The following KIAA1614 variants were observed in gnomAD, a reference collection of about 807,000 sequenced individuals.
KIAA1614 encodes the protein KIAA1614, also known as uncharacterized protein KIAA1614.
Under a neutral mutation model 88.7 loss-of-function variants are expected in KIAA1614, and 76 were observed. That is an observed-to-expected ratio of 0.86 (90% CI 0.71 to 1.04). The LOEUF (loss-of-function observed/expected upper bound fraction) is 1.04. KIAA1614 is among the 50% of genes least tolerant of loss of function. KIAA1614 has a pLI of 0.00. For synonymous variants in KIAA1614, 714 were observed against 675.5 expected (o/e 1.06, Z -0.88); for missense variants, 1,553 against 1,582.5 (o/e 0.98, Z 0.32).
chr1:180,920,410 G>C (rs1653928606), intron 3 of KIAA1614, among the ~76,000 whole-genome samples: 2 of 152,208 alleles, frequency 1.3e-5, no homozygotes, highest in African/African-American at 2.4e-5. Flanking sequence ...AGAATGCTGA[G>C]GCTGTGGCAG....
At chr1:180,929,193 T>C (rs908580417) in intron 4 of KIAA1614, among the ~76,000 whole-genome samples, 2 of 152,226 alleles carry the variant, frequency 1.3e-5, no homozygotes, top group African/African-American at 4.8e-5. Context: ...AGGGTTGCTG[T>C]GGAGCTATGT....
In KIAA1614 at chr1:180,916,775, T is replaced by C. The variant is rs1653817392; in HGVS notation, c.672T>C (p.Pro224=). The change falls in exon 2 of 9, where the codon CCT becomes CCC. Residue 224 remains proline (P), a synonymous_variant. Transcript: ENST00000367588. Reference sequence around the variant, plus strand: ...TTACTCCCGGACGGCCTGGGGGTCCTGGTCATTGTAACAAAATCATCCACA... The same window carrying C: ...TTACTCCCGGACGGCCTGGGGGTCCCGGTCATTGTAACAAAATCATCCACA... ...HGVTPGRPGG[P]GHCNKIIHIP... The C allele has an allele frequency of 6.2e-7, 1 of 1,614,212 alleles. No individual in the cohort carries two copies. Among genetic ancestry groups the C allele is most frequent in the South Asian group, 1.1e-5 (1 of 91,088 alleles).
rs1431473704 is a variant in KIAA1614, at chr1:180,951,115, C to T, written c.*5527C>T. The stretch of plus-strand genomic sequence containing the variant: ...GTGTGGTCTGGCAGGAGTTTTATGC[C>T]CCTTCGGGGTGTGGGAATTCTGGGA... On this transcript the variant is annotated 3_prime_UTR_variant, in exon 9 of 9. Coordinates refer to ENST00000367588, the MANE Select transcript of KIAA1614 (RefSeq NM_020950.2). The T allele has an allele frequency of 6.6e-6, 1 of 152,168 alleles. No homozygotes were observed. Among genetic ancestry groups the T allele is most frequent in the Non-Finnish European group, 1.5e-5 (1 of 68,032 alleles). The allele number at this position is 152,168 out of a possible 1,614,324, so 9.4% of individuals were successfully genotyped here.
chr1:180,913,046 C>G lies in KIAA1614; in HGVS notation c.-198C>G, dbSNP rs952552127. ...CTGCGCCGGCCAGACCCACCCGGGG[C>G]CCGGGGGCTGCCAGCAGAGCCGGGA... On this transcript the variant is annotated 5_prime_UTR_variant, in exon 1 of 9. Transcript: ENST00000367588. The G allele has an allele frequency of 3.1e-6, 1 of 317,634 alleles. No individual in the cohort carries two copies. Among genetic ancestry groups the G allele is most frequent in the African/African-American group, 2.2e-5 (1 of 44,880 alleles). 19.7% of individuals were successfully genotyped at this position (317,634 alleles called of 1,614,324 possible). A position where few individuals can be genotyped will look rare whatever the true frequency, so the allele number is the denominator to read the frequency against.
chr1:180,936,636 G>A lies in KIAA1614; in HGVS notation c.2727G>A (p.Arg909=). 1 of 1,576,978 alleles carries A rather than the reference G, an allele frequency of 6.3e-7. No individual in the cohort carries two copies. The highest frequency in any genetic ancestry group is 1.7e-4 in the Middle Eastern group (1 of 5,866). ...EGRVERGPCS[R]EPEPPLENSR... ...GGGTGGAGAGGGGCCCCTGCAGCCG[G>A]GAACCGGAGCCGCCCCTGGAGAACA... Residue 909 remains arginine (R), a synonymous_variant, in exon 5 of 9, where the codon CGG becomes CGA. Coordinates refer to ENST00000367588, the MANE Select transcript of KIAA1614 (RefSeq NM_020950.2).
chr1:180,919,562 C>G (rs1158223618), intron 3 of KIAA1614, among the ~76,000 whole-genome samples: 5 of 152,162 alleles, frequency 3.3e-5, no homozygotes, highest in Admixed American at 3.3e-4. Context: ...CCGCCTCTGC[C>G]TGCAGCTGCC....
Position 180,916,492 on chromosome 1 carries a change from C to A in KIAA1614, c.389C>A (p.Ser130Ter). ...AAGGCAGGGAGAGCCGGGACTCCAT[C>A]AGAGGGGTCTTTCCTGCCAGGTGCT... Reference protein sequence around the residue: ...RGKAGRAGTPSEGSFLPGAVV... With the variant: ...RGKAGRAGTP Residue 130 changes from serine to a stop codon, truncating the protein, a stop_gained, in exon 2 of 9, where the codon TCA becomes TAA. Coordinates refer to ENST00000367588, the MANE Select transcript of KIAA1614 (RefSeq NM_020950.2). LOFTEE classifies it high-confidence loss of function. 6.2e-7 allele frequency: 1 copy of A among 1,614,112 alleles called. No individual in the cohort carries two copies. The highest frequency in any genetic ancestry group is 8.5e-7 in the Non-Finnish European group (1 of 1,180,028).
chr1:180,939,649 C>A (rs1248764708), intron 6 of KIAA1614, among the ~76,000 whole-genome samples: 1 of 152,180 alleles, frequency 6.6e-6, no homozygotes, highest in African/African-American at 2.4e-5. Flanking sequence ...CCTACATTTC[C>A]TTCTCCACAC....
At chr1:180,937,052 G>C (rs1654350793) in intron 5 of KIAA1614, among the ~76,000 whole-genome samples, 1 of 152,242 alleles carries the variant, frequency 6.6e-6, no homozygotes, top group African/African-American at 2.4e-5. Flanking sequence ...AGCTCAGGAA[G>C]AGGCAACAGC....
intron 1 of KIAA1614, among the ~76,000 whole-genome samples, chr1:180,914,706 C>T (rs1653738925): frequency 6.6e-6 from 1 of 151,866 alleles, no homozygotes; most frequent in African/African-American, 2.4e-5. Context: ...CCTGCCACCA[C>T]ACCCAGCTAA....
intron 7 of KIAA1614, 86 bp downstream of exon 7, chr1:180,941,371 G>A (rs1654460042): frequency 3.4e-6 from 5 of 1,476,466 alleles, no homozygotes; most frequent in Non-Finnish European, 4.6e-6. Context: ...GGGAGGAGGT[G>A]ATGAGGATGC....
At chr1:180,932,207 C>T (rs138966962) in intron 4 of KIAA1614, among the ~76,000 whole-genome samples, 2 of 152,104 alleles carry the variant, frequency 1.3e-5, no homozygotes, top group East Asian at 1.9e-4. Flanking sequence ...AGGGGCCTCC[C>T]GACGACCATA....
intron 4 of KIAA1614, among the ~76,000 whole-genome samples, chr1:180,934,314 C>T (rs1358709319): frequency 2.6e-5 from 4 of 150,944 alleles, no homozygotes; most frequent in South Asian, 2.1e-4. Flanking sequence ...TCAGGCTGGG[C>T]GCAGTGGTGC....
At chr1:180,915,934 G>A (rs1014832090) in intron 1 of KIAA1614, among the ~76,000 whole-genome samples, 3 of 152,068 alleles carry the variant, frequency 2.0e-5, no homozygotes, top group Admixed American at 6.5e-5. Flanking sequence ...CCATTCCACC[G>A]CACCCCGCCC....
rs1654116610 is a variant in KIAA1614, at chr1:180,928,430, G to A, written c.1062G>A (p.Arg354=). ...CCCTGGCCTGTGTGCCACGCTGCAGGACCGTTGGTCCCAACCCGGAGCCTG... is the reference window on the plus strand; with the variant it reads ...CCCTGGCCTGTGTGCCACGCTGCAGAACCGTTGGTCCCAACCCGGAGCCTG... ...GTSLQDSGQN[R]TVGPNPEPVL... is the part of the protein sequence containing the mutation. Residue 354 remains arginine, a splice_region_variant and synonymous_variant, in exon 4 of 9, where the codon AGG becomes AGA. Coordinates refer to ENST00000367588, the MANE Select transcript of KIAA1614 (RefSeq NM_020950.2). 1 of 1,610,904 alleles carries A rather than the reference G, an allele frequency of 6.2e-7. No homozygotes were observed. The highest frequency in any genetic ancestry group is 8.5e-7 in the Non-Finnish European group (1 of 1,178,420).
intron 5 of KIAA1614, 143 bp downstream of exon 5, chr1:180,936,813 C>T (rs1275502184): frequency 3.4e-5 from 20 of 594,246 alleles, no homozygotes; most frequent in South Asian, 5.3e-5. Context: ...CATACCACCT[C>T]GGCAGCTCCT....
intron 6 of KIAA1614, 113 bp from the exon 7 acceptor site, chr1:180,940,932 C>A: frequency 1.1e-6 from 1 of 918,026 alleles, no homozygotes; most frequent in Non-Finnish European, 1.6e-6. Flanking sequence ...CCAAATGTGC[C>A]AGAGGCATTG....
intron 3 of KIAA1614, among the ~76,000 whole-genome samples, chr1:180,918,420 TCCA>T (rs1307741628): frequency 6.6e-6 from 1 of 152,170 alleles, no homozygotes; most frequent in African/African-American, 2.4e-5. Context: ...CTCCAGCCCC[TCCA>T]CCAAATATTT....
rs1407923943 is a variant in KIAA1614, at chr1:180,935,170, A to T, written c.1261A>T (p.Ser421Cys). ...CAGGACGACCCCTGCCTGCAGAGAC[A>T]GCCTCCAGAACGGGCACACGAGCGA... ...DPRTTPACRD[S>C]LQNGHTSDSS... The change falls in exon 5 of 9, where the codon AGC (serine) becomes TGC (cysteine). Residue 421 changes from serine to cysteine, a missense_variant. Coordinates refer to ENST00000367588, the MANE Select transcript of KIAA1614 (RefSeq NM_020950.2). This position sits in a 1 kb window ranked among gnomAD's most constrained non-coding sequence, Gnocchi z 6.1. The T allele has an allele frequency of 1.4e-6, 2 of 1,464,322 alleles. No individual in the cohort carries two copies. The highest frequency in any genetic ancestry group is 5.2e-5 in the Admixed American group (2 of 38,368). 90.7% of individuals were successfully genotyped at this position (1,464,322 alleles called of 1,614,324 possible). A position where few individuals can be genotyped will look rare whatever the true frequency, so the allele number is the denominator to read the frequency against.
Sources: gnomAD v4.1 joint callset for allele counts (sites outside exome capture counted in the v4.1 genomes callset) on GRCh38, gnomAD v4.1.1 for gene constraint, Gnocchi (gnomAD v3.1) non-coding constraint, MANE v1.5 for transcripts, NCBI Gene and HGNC (gene_info 2026-07-23, HGNC 2026-07-21) for gene names.